The following ANKRD36B variants were observed in gnomAD, a reference collection of about 807,000 sequenced individuals.
ANKRD36B encodes ankyrin repeat domain 36B.
ANKRD36B carries 37 observed loss-of-function variants against 135.7 expected under a neutral mutation model. The ratio of observed to expected loss-of-function variants is 0.27; its 90% CI spans 0.21 to 0.36. The LOEUF is 0.36. Among genes scored for constraint, ANKRD36B ranks in the 10% least tolerant of loss-of-function variants. The pLI, the probability that ANKRD36B is intolerant of heterozygous loss-of-function variation, is 1.00. For missense variants in ANKRD36B, 549 were observed against 1,037.1 expected, an observed-to-expected ratio of 0.53 and a Z score of 6.46; for synonymous variants, 179 against 348.1, an observed-to-expected ratio of 0.51 and a Z score of 5.41.
chr2:97,564,563 A>G (rs1252727419), intron 6 of ANKRD36B, among the ~76,000 whole-genome samples: 2 of 152,182 alleles, frequency 1.3e-5, no homozygotes, highest in Non-Finnish European at 2.9e-5. Context: ...TATAAAGTGT[A>G]AGGAAGGGGT....
At position 97,560,734 on chromosome 2, in the gene ANKRD36B, T is replaced by C. The variant is rs374371976; in HGVS notation, c.796A>G (p.Thr266Ala). 48 of 1,601,644 alleles carry C rather than the reference T, an allele frequency of 3.0e-5. No homozygotes were observed. The African/African-American group carries it at 5.2e-4, about 17-fold the overall frequency. Reference sequence around the variant, plus strand: ...GAAACAGAATCTTTGTCGTCACTTGTAGCCTGAATGGGATTTGAAACAAAA... The same window carrying C: ...GAAACAGAATCTTTGTCGTCACTTGCAGCCTGAATGGGATTTGAAACAAAA... ...SPQKQRAEKA[T>A]SDDKDSVSNI... The change falls in exon 8 of 44, where the codon ACA becomes GCA. Residue 266 changes from threonine (T) to alanine (A), a missense_variant. Physicochemically the swap from Thr to Ala is moderately conservative, Grantham distance 58. Transcript: ENST00000359901.
rs2079093078 is a variant in ANKRD36B at position 97,540,387 on chromosome 2, A to G, written c.1886-158T>C. On this transcript the variant is annotated intron_variant, in intron 28 of 43. Transcript: ENST00000359901. ...GTCTGGGGATTGGAACATGACAGAA[A>G]TACACTGAAAAAAAGTAATACAGCC... Among the ~76,000 whole-genome samples, 2 of 96,518 alleles carry G rather than the reference A, an allele frequency of 2.1e-5. 1 individual carries two copies. Among genetic ancestry groups the G allele is most frequent in the East Asian group, 4.6e-4 (2 of 4,310 alleles). 63.3% of individuals were successfully genotyped at this position (96,518 alleles called of 152,430 possible).
At chr2:97,562,692 C>T (rs78175086) in intron 6 of ANKRD36B, among the ~76,000 whole-genome samples, 1 of 152,036 alleles carries the variant, frequency 6.6e-6, no homozygotes, top group African/African-American at 2.4e-5. Context: ...CTTTGACCTC[C>T]ACATTCATTT....
intron 6 of ANKRD36B, among the ~76,000 whole-genome samples, chr2:97,561,222 G>A (rs1408915768): frequency 6.6e-6 from 1 of 151,886 alleles, no homozygotes; most frequent in African/African-American, 2.4e-5. Flanking sequence ...CAAAGCAGGT[G>A]ATACATGCAC....
intron 35 of ANKRD36B, 52 bp from the exon 36 acceptor site, chr2:97,523,519 A>G: frequency 1.1e-6 from 1 of 908,878 alleles, no homozygotes; most frequent in South Asian, 1.3e-5. Flanking sequence ...TTTATAGCAT[A>G]TACTAAATGT....
intron 14 of ANKRD36B, among the ~76,000 whole-genome samples, chr2:97,554,181 C>T (rs1025005495): frequency 2.0e-5 from 3 of 151,656 alleles, no homozygotes; most frequent in Admixed American, 6.6e-5. Context: ...TGAAAATGAC[C>T]ATTTTAAGAG....
At chr2:97,535,703 A>G (rs2078850740) in intron 34 of ANKRD36B, among the ~76,000 whole-genome samples, 1 of 98,052 alleles carries the variant, frequency 1.0e-5, no homozygotes, top group African/African-American at 3.0e-5. Flanking sequence ...AATTCGCTAA[A>G]AACTATTGAA....
chr2:97,578,759 T>C (rs1312576257), intron 5 of ANKRD36B, 147 bp downstream of exon 5: 17 of 999,840 alleles, frequency 1.7e-5, no homozygotes, highest in Non-Finnish European at 2.1e-5. Context: ...GTTGCACAAC[T>C]CTCGAAAACT....
chr2:97,584,627 T>G (rs1211094137), intron 3 of ANKRD36B, among the ~76,000 whole-genome samples: 1 of 142,476 alleles, frequency 7.0e-6, no homozygotes, highest in African/African-American at 2.7e-5. Flanking sequence ...TCACACTGAT[T>G]AGAAAAAAAG....
intron 20 of ANKRD36B, among the ~76,000 whole-genome samples, chr2:97,548,150 C>A (rs1338001147): frequency 6.6e-6 from 1 of 151,796 alleles, no homozygotes; most frequent in African/African-American, 2.4e-5. Flanking sequence ...TACAAACATT[C>A]ATCATGCTCT....
intron 16 of ANKRD36B, among the ~76,000 whole-genome samples, chr2:97,551,732 G>A (rs188707949): frequency 6.6e-6 from 1 of 151,988 alleles, no homozygotes; most frequent in Admixed American, 6.6e-5. Context: ...TAAAATCAAA[G>A]GTTGTCAACA....
intron 6 of ANKRD36B, among the ~76,000 whole-genome samples, chr2:97,575,473 T>C (rs1032392640): frequency 6.6e-6 from 1 of 151,678 alleles, no homozygotes; most frequent in Non-Finnish European, 1.5e-5. Flanking sequence ...CCTGGAAACC[T>C]ATGAATGATC....
At chr2:97,582,950 A>C (rs1573081918) in intron 3 of ANKRD36B, among the ~76,000 whole-genome samples, 3 of 152,084 alleles carry the variant, frequency 2.0e-5, no homozygotes, top group Admixed American at 6.5e-5. Context: ...ATAATATTAA[A>C]TTATAATTCT....
chr2:97,521,963 G>A (rs1412185184), intron 36 of ANKRD36B, among the ~76,000 whole-genome samples: 1 of 85,856 alleles, frequency 1.2e-5, no homozygotes, highest in African/African-American at 3.6e-5. Flanking sequence ...ACAACTGGCT[G>A]TCCATATCCA....
At chr2:97,585,231 C>A in intron 2 of ANKRD36B, 53 bp downstream of exon 2, 1 of 1,561,262 alleles carries the variant, frequency 6.4e-7, no homozygotes, top group Non-Finnish European at 8.7e-7. Context: ...TCATTTTATC[C>A]TATGTACTTC....
At chr2:97,557,183 C>G in intron 10 of ANKRD36B, 51 bp from the exon 11 acceptor site, 1 of 1,494,014 alleles carries the variant, frequency 6.7e-7, no homozygotes, top group Non-Finnish European at 9.0e-7. Flanking sequence ...ATGACAAAGT[C>G]GTCCATACAT....
At chr2:97,551,155 C>G in intron 18 of ANKRD36B, 134 bp downstream of exon 18, 1 of 1,271,250 alleles carries the variant, frequency 7.9e-7, no homozygotes, top group South Asian at 1.4e-5. Flanking sequence ...AACCCAAGAA[C>G]TTATTAGAAA....
chr2:97,528,960 C>A (rs1441628494), intron 35 of ANKRD36B, among the ~76,000 whole-genome samples: 7 of 96,298 alleles, frequency 7.3e-5, no homozygotes, highest in African/African-American at 1.9e-4. Context: ...TTCACAGTCG[C>A]ATTCTACCAG....
intron 8 of ANKRD36B, 129 bp downstream of exon 8, chr2:97,560,536 A>C: frequency 3.6e-6 from 5 of 1,372,620 alleles, no homozygotes; most frequent in South Asian, 1.3e-5. Context: ...ACTCACTACA[A>C]ATGAAGAATC....
Sources: allele counts gnomAD v4.1 joint callset (sites outside exome capture counted in the v4.1 genomes callset), GRCh38; gene constraint gnomAD v4.1.1; transcripts MANE v1.5; gene names NCBI Gene and HGNC (gene_info 2026-07-23, HGNC 2026-07-21).